The following EVL variants were observed in gnomAD, a reference collection of about 807,000 sequenced individuals.
The protein encoded by EVL is Enah/Vasp-like.
A neutral mutation model predicts 59.6 loss-of-function variants in EVL; 21 were observed. The observed-to-expected ratio is 0.35, with a 90% CI of 0.25 to 0.51. EVL has a LOEUF of 0.51. Ranked by LOEUF, EVL falls within the 20% of genes least tolerant of loss-of-function variation. The pLI, the probability that EVL is intolerant of heterozygous loss-of-function variation, is 0.97. For synonymous variants in EVL, 198 were observed against 203.5 expected, an observed-to-expected ratio of 0.97 and a Z score of 0.23; for missense variants, 462 against 546.6, an observed-to-expected ratio of 0.85 and a Z score of 1.54.
chr14:100,125,480 A>G (rs1888014732), intron 4 of EVL, among the ~76,000 whole-genome samples: 1 of 151,914 alleles, frequency 6.6e-6, no homozygotes, highest in Admixed American at 6.5e-5. Context: ...GGGAGGTTTC[A>G]GCAGTTTGAG....
chr14:100,131,180 G>C (rs1888413198), intron 7 of EVL, among the ~76,000 whole-genome samples: 1 of 152,240 alleles, frequency 6.6e-6, no homozygotes, highest in African/African-American at 2.4e-5. Context: ...ATGGGCCACA[G>C]AGAAATAGAA....
intron 1 of EVL, among the ~76,000 whole-genome samples, chr14:99,975,604 G>A (rs900574022): frequency 6.6e-6 from 1 of 152,304 alleles, no homozygotes; most frequent in South Asian, 2.1e-4. Flanking sequence ...GATCATCAGG[G>A]ATTAGCTTCT....
chr14:100,081,334 T>G (rs1393702855), intron 1 of EVL, among the ~76,000 whole-genome samples: 2 of 152,102 alleles, frequency 1.3e-5, no homozygotes, highest in African/African-American at 4.8e-5. Flanking sequence ...TTCAAAGGTA[T>G]AATAAGCCCA....
chr14:100,115,168 A>G (rs1192093520), intron 3 of EVL, among the ~76,000 whole-genome samples: 2 of 151,994 alleles, frequency 1.3e-5, no homozygotes, highest in South Asian at 2.1e-4. Context: ...TGAAATAAGC[A>G]TATTAGGAAG....
intron 3 of EVL, among the ~76,000 whole-genome samples, chr14:100,110,170 C>T (rs912930466): frequency 1.1e-4 from 17 of 152,114 alleles, no homozygotes; most frequent in Admixed American, 1.3e-4. Flanking sequence ...TGTGAGAGTT[C>T]GAGACCTGCC....
In EVL at chr14:100,028,125, TG is replaced by T. The variant is rs138372877; in HGVS notation, c.5+56069del. Among the ~76,000 whole-genome samples, 1,745 of 115,162 alleles carry T rather than the reference TG, an allele frequency of 0.015. 95 individuals carry two copies. In the East Asian group the frequency reaches 0.19, roughly 13 times the overall value. 75.6% of individuals were successfully genotyped at this position (115,162 alleles called of 152,430 possible). ...GTAGTTCTACTTTTAGTTGTTTTTT[TG>T]TTTGTTTGTTTTTTTTTTTTTTTTT... On this transcript the variant is annotated intron_variant, in intron 1 of 13. Coordinates refer to the EVL transcript ENST00000402714.
intron 1 of EVL, among the ~76,000 whole-genome samples, chr14:100,011,426 C>A (rs1342526605): frequency 6.6e-6 from 1 of 152,072 alleles, no homozygotes; most frequent in Non-Finnish European, 1.5e-5. Context: ...AAAAGATAAC[C>A]TCAAAGATTA....
chr14:100,018,114 C>A (rs1443688158), intron 1 of EVL, among the ~76,000 whole-genome samples: 1 of 152,248 alleles, frequency 6.6e-6, no homozygotes, highest in African/African-American at 2.4e-5. Flanking sequence ...TTCACACATT[C>A]CTGTCCTCAA....
intron 1 of EVL, among the ~76,000 whole-genome samples, chr14:100,022,321 G>A (rs1229461443): frequency 1.4e-5 from 2 of 146,218 alleles, no homozygotes; most frequent in African/African-American, 2.5e-5. Flanking sequence ...TCTGTCACCC[G>A]GGCTGGAGTG....
chr14:100,045,693 T>C (rs1275615331), intron 1 of EVL, among the ~76,000 whole-genome samples: 1 of 152,220 alleles, frequency 6.6e-6, no homozygotes, highest in East Asian at 1.9e-4. Flanking sequence ...TGAGGAGCTA[T>C]TGATAAACTA....
chr14:100,069,341 T>C (rs992972467), intron 1 of EVL, among the ~76,000 whole-genome samples: 1 of 152,232 alleles, frequency 6.6e-6, no homozygotes, highest in Non-Finnish European at 1.5e-5. Flanking sequence ...TTTATTCCAC[T>C]GTGCTGCACA....
chr14:100,097,420 G>C, intron 2 of EVL, 61 bp from the exon 3 acceptor site: 1 of 1,475,614 alleles, frequency 6.8e-7, no homozygotes, highest in Non-Finnish European at 9.2e-7. Flanking sequence ...CCATCGCAGC[G>C]CCCTCGAGCT....
chr14:100,083,777 T>C (rs1332389686), intron 1 of EVL, among the ~76,000 whole-genome samples: 1 of 152,234 alleles, frequency 6.6e-6, no homozygotes. Flanking sequence ...ATTGCCTACA[T>C]AGCTTATCTG....
intron 1 of EVL, among the ~76,000 whole-genome samples, chr14:99,996,336 TA>T (rs2060913996): frequency 6.6e-6 from 1 of 152,126 alleles, no homozygotes; most frequent in Non-Finnish European, 1.5e-5. Flanking sequence ...TTCATCTCCA[TA>T]GGGGAAGGAG....
intron 3 of EVL, among the ~76,000 whole-genome samples, chr14:100,111,423 CTGGGATT>C (rs1278950761): frequency 1.3e-5 from 2 of 152,138 alleles, no homozygotes; most frequent in Non-Finnish European, 2.9e-5. Flanking sequence ...TCCCAAAGTG[CTGGGATT>C]ACAGGTGTGA....
intron 1 of EVL, among the ~76,000 whole-genome samples, chr14:100,010,041 C>CTTAA (rs1219789143): frequency 6.6e-6 from 1 of 152,096 alleles, no homozygotes; most frequent in Non-Finnish European, 1.5e-5. Flanking sequence ...TCTTATCAGA[C>CTTAA]TTAAAAGGGT....
In EVL at chr14:100,143,755, C is replaced by T. The variant is rs140963168; in HGVS notation, c.*17C>T. On this transcript the variant is annotated 3_prime_UTR_variant, in exon 14 of 14. Coordinates refer to ENST00000392920, the MANE Select transcript of EVL (RefSeq NM_016337.3). ...ACCACGTAAGGGGCCGGCCTCGCTG[C>T]GCTGATTCGTCGAGCCCATCCGGCG... 1.7e-3 allele frequency: 2,768 copies of T among 1,610,956 alleles called. 9 individuals are homozygous for T. The highest frequency in any genetic ancestry group is 2.0e-3 in the Non-Finnish European group (2,362 of 1,179,022).
chr14:100,061,140 C>T (rs1240094813), upstream of EVL, among the ~76,000 whole-genome samples: 1 of 152,050 alleles, frequency 6.6e-6, no homozygotes, highest in Non-Finnish European at 1.5e-5. Context: ...CCTGTAATCC[C>T]AGCCCTTTCG....
intron 3 of EVL, among the ~76,000 whole-genome samples, chr14:100,116,304 C>A (rs1323810428): frequency 6.6e-6 from 1 of 152,078 alleles, no homozygotes; most frequent in Non-Finnish European, 1.5e-5. Context: ...GGGACTCTGC[C>A]CAGCTCAGAC....
Sources: gnomAD v4.1 joint callset for allele counts (sites outside exome capture counted in the v4.1 genomes callset) on GRCh38, gnomAD v4.1.1 for gene constraint, MANE v1.5 for transcripts, NCBI Gene and HGNC (gene_info 2026-07-23, HGNC 2026-07-21) for gene names.